Variants in FBXL20 observed in about 807,000 individuals in gnomAD.
FBXL20 encodes F-box/LRR-repeat protein 20.
In FBXL20, 11 loss-of-function variants were observed where a neutral mutation model predicts 64.0. That is an observed-to-expected ratio of 0.17 (90% confidence interval 0.11 to 0.28). The LOEUF (loss-of-function observed/expected upper bound fraction) is 0.28. Among genes scored for constraint, FBXL20 ranks in the 10% least tolerant of loss-of-function variants. The pLI is 1.00. For missense variants in FBXL20, 303 were observed against 526.2 expected (o/e 0.58, Z 4.15); for synonymous variants, 184 against 189.0 (o/e 0.97, Z 0.22).
At chr17:39,348,679 ATT>A (rs1282026089) in intron 1 of FBXL20, among the ~76,000 whole-genome samples, 1 of 152,110 alleles carries the variant, frequency 6.6e-6, no homozygotes, top group African/African-American at 2.4e-5. Context: ...ATAGGCAGTA[ATT>A]CACAAAGTTG....
chr17:39,353,602 ATT>A (rs2047708977), intron 1 of FBXL20, among the ~76,000 whole-genome samples: 1 of 130,394 alleles, frequency 7.7e-6, no homozygotes, highest in African/African-American at 3.8e-5. Context: ...ACTACACCTT[ATT>A]TATTTATTTA....
chr17:39,401,774 C>T (rs2048248854), upstream of FBXL20: 1 of 1,015,542 alleles, frequency 9.8e-7, no homozygotes, highest in Non-Finnish European at 1.2e-6. Flanking sequence ...CGAGACCACC[C>T]CTCCCCCACA....
At chr17:39,283,314 A>T (rs188768587) in intron 7 of FBXL20, among the ~76,000 whole-genome samples, 27 of 152,380 alleles carry the variant, frequency 1.8e-4, no homozygotes, top group African/African-American at 6.5e-4. Context: ...CAATATTTGC[A>T]TTATACTTAC....
Position 39,282,797 on chromosome 17 carries a change from C to T in FBXL20, c.553G>A (p.Asp185Asn). ...NISWCDQVTK[D>N]GIQALVRGCG... ...CCCCTCACTAGTGCTTGAATGCCAT[C>T]CTTGGTTACTTGGTCACACCAGGAA... The change falls in exon 8 of 15, where the codon GAT (aspartate) becomes AAT (asparagine). Residue 185 changes from aspartate to asparagine, a missense_variant. By Grantham distance (23) the Asp-to-Asn change is conservative. This residue lies in a region of FBXL20 where 246 missense variants were observed against 422.6 expected (regional missense o/e 0.58). Transcript: ENST00000264658. The T allele has an allele frequency of 6.2e-7, 1 of 1,614,138 alleles. No individual in the cohort carries two copies. The highest frequency in any genetic ancestry group is 8.5e-7 in the Non-Finnish European group (1 of 1,180,018).
chr17:39,381,597 C>T (rs1364474437), intron 1 of FBXL20, among the ~76,000 whole-genome samples: 2 of 151,964 alleles, frequency 1.3e-5, no homozygotes, highest in African/African-American at 2.4e-5. Context: ...TTGAGACCAG[C>T]CTGACAACAT....
At chr17:39,287,401 T>C (rs1217923116) in intron 6 of FBXL20, among the ~76,000 whole-genome samples, 1 of 152,108 alleles carries the variant, frequency 6.6e-6, no homozygotes, top group Non-Finnish European at 1.5e-5. Flanking sequence ...GCCAATGTTT[T>C]CATTTCCTTT....
At chr17:39,316,481 T>C (rs1004767042) in intron 2 of FBXL20, among the ~76,000 whole-genome samples, 2 of 152,156 alleles carry the variant, frequency 1.3e-5, no homozygotes, top group Non-Finnish European at 2.9e-5. Context: ...ACGATGAGCC[T>C]GGAACACCTT....
Position 39,260,934 on chromosome 17 carries a change from T to C in FBXL20, c.*526A>G, listed in dbSNP as rs542679102. ...CTTCTTTGTGAGCATGCTCAGCATG[T>C]TGGCATGGAAACAAGGAAGCATAGA... is the stretch of plus-strand genomic sequence containing the variant. On this transcript the variant is annotated 3_prime_UTR_variant, in exon 15 of 15. Transcript: ENST00000264658. The C allele has an allele frequency of 1.3e-5, 2 of 155,794 alleles. No homozygotes were observed. The highest frequency in any genetic ancestry group is 2.0e-4 in the South Asian group (1 of 5,078). 9.7% of individuals were successfully genotyped at this position (155,794 alleles called of 1,614,324 possible).
In FBXL20 at chr17:39,261,858, G is replaced by A. The variant is rs1257351371; in HGVS notation, c.1204-291C>T. ...TGCACTTTGGGAAGCCGAGACGGGC[G>A]GATCACGAGGTCAGGAGATTGAGAC... is the stretch of plus-strand genomic sequence containing the variant. On this transcript the variant is annotated intron_variant, in intron 14 of 14. Transcript: ENST00000264658. Among the ~76,000 whole-genome samples, 3 of 151,994 alleles carry A rather than the reference G, an allele frequency of 2.0e-5. No homozygotes were observed. In the East Asian group the frequency reaches 5.9e-4, roughly 30 times the overall value.
At chr17:39,278,270 T>C (rs2046917259) in intron 9 of FBXL20, among the ~76,000 whole-genome samples, 1 of 151,738 alleles carries the variant, frequency 6.6e-6, no homozygotes, top group Non-Finnish European at 1.5e-5. Flanking sequence ...CTCAGACTCC[T>C]GAGTAGCTGG....
intron 1 of FBXL20, among the ~76,000 whole-genome samples, chr17:39,365,678 A>G (rs2047852852): frequency 1.3e-5 from 2 of 152,112 alleles, no homozygotes; most frequent in South Asian, 4.1e-4. Flanking sequence ...TTTTCTTTTC[A>G]GTATTTTTAA....
intron 5 of FBXL20, chr17:39,297,615 T>G (rs2144436251): frequency 6.4e-6 from 1 of 157,148 alleles, no homozygotes; most frequent in African/African-American, 2.4e-5. Flanking sequence ...ACACCCCAAC[T>G]CCACAGGACA....
intron 1 of FBXL20, among the ~76,000 whole-genome samples, chr17:39,368,328 G>A (rs1050865281): frequency 6.6e-6 from 1 of 152,018 alleles, no homozygotes; most frequent in African/African-American, 2.4e-5. Context: ...GGAGCTCAAG[G>A]CTGCAGTGAA....
chr17:39,298,781 T>C (rs1041089067), intron 5 of FBXL20, among the ~76,000 whole-genome samples: 2 of 152,198 alleles, frequency 1.3e-5, no homozygotes, highest in African/African-American at 4.8e-5. Flanking sequence ...GAACCACTTA[T>C]GATGGGGAAT....
At chr17:39,402,260 G>A, upstream of FBXL20, 3 of 1,075,710 alleles carry the variant, frequency 2.8e-6, no homozygotes, top group Non-Finnish European at 3.3e-6. Flanking sequence ...GGGGCAGTGC[G>A]GCTGCCGCCG....
intron 2 of FBXL20, among the ~76,000 whole-genome samples, chr17:39,333,422 C>T (rs1200643310): frequency 6.6e-6 from 1 of 152,242 alleles, no homozygotes; most frequent in African/African-American, 2.4e-5. Flanking sequence ...GCCGGGACTG[C>T]AGACAGAGTG....
intron 1 of FBXL20, among the ~76,000 whole-genome samples, chr17:39,360,786 T>G (rs1257384325): frequency 2.0e-5 from 3 of 152,190 alleles, no homozygotes; most frequent in Non-Finnish European, 4.4e-5. Flanking sequence ...GCTATTCAGA[T>G]AACAGCTTCC....
intron 2 of FBXL20, among the ~76,000 whole-genome samples, chr17:39,319,078 G>T (rs548390579): frequency 6.6e-6 from 1 of 150,612 alleles, no homozygotes; most frequent in Non-Finnish European, 1.5e-5. Flanking sequence ...GTGAAACCCC[G>T]TCTCTACTAA....
At chr17:39,273,256 T>C (rs965401371) in intron 10 of FBXL20, among the ~76,000 whole-genome samples, 4 of 151,992 alleles carry the variant, frequency 2.6e-5, no homozygotes, top group African/African-American at 7.2e-5. Context: ...CCTCAGATGA[T>C]CCGCCCGCCT....
Sources: gnomAD v4.1 joint callset for allele counts (sites outside exome capture counted in the v4.1 genomes callset) on GRCh38, gnomAD v4.1.1 for gene constraint, gnomAD v4.1.1 regional missense constraint, MANE v1.5 for transcripts, NCBI Gene and HGNC (gene_info 2026-07-23, HGNC 2026-07-21) for gene names.